The following LRRC7 variants were observed in gnomAD, a reference collection of about 807,000 sequenced individuals.
LRRC7 encodes the protein leucine-rich repeat-containing protein 7.
Under a neutral mutation model 175.7 loss-of-function variants are expected in LRRC7, and 23 were observed. That is an observed-to-expected ratio of 0.13 (90% CI 0.09 to 0.19). The LOEUF (loss-of-function observed/expected upper bound fraction) is 0.19. Among genes scored for constraint, LRRC7 ranks in the 10% least tolerant of loss-of-function variants. The pLI is 1.00. For missense variants in LRRC7, 1,354 were observed against 1,904.7 expected (o/e 0.71, Z 5.38); for synonymous variants, 685 against 680.9 (o/e 1.01, Z -0.09).
In LRRC7 at chr1:69,806,463, ACT is replaced by A. The variant is rs1205067988; in HGVS notation, c.421+14310_421+14311del. Among the ~76,000 whole-genome samples, 5 of 151,702 alleles carry A rather than the reference ACT, an allele frequency of 3.3e-5. No homozygotes were observed. The East Asian group carries it at 9.7e-4, about 29-fold the overall frequency. ...TTTGTAAGGCAGAATCAGTCGTATG[ACT>A]CTCTCTATTGATTACCAGCATTTGG... On this transcript the variant is annotated intron_variant, in intron 4 of 26. Transcript: ENST00000651989.
intron 2 of LRRC7, among the ~76,000 whole-genome samples, chr1:69,698,609 C>T (rs1400198902): frequency 1.3e-5 from 2 of 152,240 alleles, no homozygotes; most frequent in Admixed American, 6.5e-5. Context: ...CAACCAGGCT[C>T]ATGGCATTCT....
chr1:69,608,756 T>A (rs1319070612), intron 1 of LRRC7, among the ~76,000 whole-genome samples: 1 of 150,498 alleles, frequency 6.6e-6, no homozygotes, highest in Non-Finnish European at 1.5e-5. Context: ...TTACCAAATA[T>A]TTTACCTAAG....
At chr1:69,894,337 A>T (rs2101651079) in intron 7 of LRRC7, among the ~76,000 whole-genome samples, 1 of 152,168 alleles carries the variant, frequency 6.6e-6, no homozygotes, top group East Asian at 1.9e-4. Flanking sequence ...TGGCAGTGTG[A>T]CTCTCGCCTT....
At chr1:69,995,139 T>A (rs1654810747) in intron 11 of LRRC7, among the ~76,000 whole-genome samples, 1 of 152,162 alleles carries the variant, frequency 6.6e-6, no homozygotes, top group Non-Finnish European at 1.5e-5. Flanking sequence ...AACTTCAAGA[T>A]GAAAGTCTAA....
chr1:69,948,484 C>G (rs1225146147), intron 8 of LRRC7, among the ~76,000 whole-genome samples: 1 of 152,052 alleles, frequency 6.6e-6, no homozygotes, highest in African/African-American at 2.4e-5. Context: ...TTTCCCCTAC[C>G]CCAGTCTTCC....
At chr1:69,704,213 T>C (rs1663738441) in intron 2 of LRRC7, among the ~76,000 whole-genome samples, 1 of 152,052 alleles carries the variant, frequency 6.6e-6, no homozygotes, top group African/African-American at 2.4e-5. Flanking sequence ...TAAAACTGGT[T>C]TTTGTCTATC....
intron 18 of LRRC7, among the ~76,000 whole-genome samples, chr1:70,034,434 C>T (rs12025814): frequency 3.3e-5 from 5 of 151,958 alleles, no homozygotes; most frequent in African/African-American, 9.7e-5. Context: ...CTGTGAAGCC[C>T]GTGTGAAAAA....
chr1:69,943,094 TCTA>T (rs1478990841), intron 8 of LRRC7, among the ~76,000 whole-genome samples: 1 of 152,124 alleles, frequency 6.6e-6, no homozygotes, highest in African/African-American at 2.4e-5. Context: ...ACAGCCCTAG[TCTA>T]CTACAATACC....
intron 7 of LRRC7, among the ~76,000 whole-genome samples, chr1:69,857,953 A>G (rs1021146991): frequency 6.6e-6 from 1 of 151,966 alleles, no homozygotes; most frequent in Non-Finnish European, 1.5e-5. Flanking sequence ...CAGAAATAAT[A>G]CCACAGATCT....
chr1:69,664,579 A>T (rs1657998136), intron 1 of LRRC7, among the ~76,000 whole-genome samples: 2 of 152,140 alleles, frequency 1.3e-5, no homozygotes, highest in Admixed American at 1.3e-4. Flanking sequence ...CACATTTCAT[A>T]TAATTATTTG....
intron 9 of LRRC7, 123 bp downstream of exon 9, chr1:69,980,576 GTGTT>G: frequency 1.3e-6 from 1 of 748,634 alleles, no homozygotes; most frequent in Non-Finnish European, 2.2e-6. Flanking sequence ...CTCATTAGGA[GTGTT>G]CAGTCACCAA....
At chr1:69,752,959 CAT>C (rs947223933) in intron 2 of LRRC7, among the ~76,000 whole-genome samples, 9 of 152,086 alleles carry the variant, frequency 5.9e-5, no homozygotes, top group African/African-American at 2.2e-4. Flanking sequence ...TGTGTGCAGA[CAT>C]GTGGTAACAC....
intron 2 of LRRC7, among the ~76,000 whole-genome samples, chr1:69,741,054 C>T (rs12084635): frequency 0.01 from 1,590 of 151,812 alleles, 33 homozygotes; most frequent in African/African-American, 0.037. Flanking sequence ...ACTGCAATGA[C>T]CAAAGGCAAA....
intron 7 of LRRC7, among the ~76,000 whole-genome samples, chr1:69,865,469 C>CTTTTTTTTTTTTTTTTTCTTTTT (rs1684824043): frequency 2.0e-5 from 1 of 51,262 alleles, no homozygotes. Flanking sequence ...AAGACAGTTC[C>CTTTTTTTTTTTTTTTTTCTTTTT]TTTTTTTTTT....
intron 7 of LRRC7, among the ~76,000 whole-genome samples, chr1:69,905,363 T>C (rs959406814): frequency 3.3e-5 from 5 of 151,952 alleles, no homozygotes; most frequent in Non-Finnish European, 5.9e-5. Context: ...CCCATTCACT[T>C]GTCATTTAGC....
intron 8 of LRRC7, among the ~76,000 whole-genome samples, chr1:69,943,663 T>C (rs186258732): frequency 6.8e-6 from 1 of 146,600 alleles, no homozygotes; most frequent in East Asian, 1.9e-4. Flanking sequence ...CAAAAACATA[T>C]GGCCCAAGTG....
intron 2 of LRRC7, among the ~76,000 whole-genome samples, chr1:69,707,909 TTATA>T (rs759902170): frequency 5.3e-5 from 8 of 152,156 alleles, no homozygotes; most frequent in Non-Finnish European, 7.4e-5. Context: ...TCACTGCACA[TTATA>T]TACTCTGCTG....
chr1:69,757,819 G>A (rs917897610), intron 2 of LRRC7, among the ~76,000 whole-genome samples: 9 of 151,750 alleles, frequency 5.9e-5, no homozygotes, highest in East Asian at 1.9e-4. Flanking sequence ...GGTGTGTGCC[G>A]TGGATCAGCT....
At chr1:69,794,963 C>T (rs775466733) in intron 4 of LRRC7, among the ~76,000 whole-genome samples, 9 of 152,230 alleles carry the variant, frequency 5.9e-5, no homozygotes, top group Middle Eastern at 3.4e-3. Context: ...CAAAAGATGG[C>T]GAACCACTCT....
Sources: gnomAD v4.1 joint callset for allele counts (sites outside exome capture counted in the v4.1 genomes callset) on GRCh38, gnomAD v4.1.1 for gene constraint, MANE v1.5 for transcripts, NCBI Gene and HGNC (gene_info 2026-07-23, HGNC 2026-07-21) for gene names.